Variants in TTC39C observed in about 807,000 individuals in gnomAD.
TTC39C encodes tetratricopeptide repeat protein 39C.
Under a neutral mutation model 76.3 loss-of-function variants are expected in TTC39C, and 33 were observed. That is an observed-to-expected ratio of 0.43 (90% CI 0.33 to 0.58). The LOEUF (loss-of-function observed/expected upper bound fraction) is 0.58, where lower values mean the gene tolerates loss of function less well. Among genes scored for constraint, TTC39C ranks in the 20% least tolerant of loss-of-function variants. The pLI, the probability that TTC39C is intolerant of heterozygous loss-of-function variation, is 0.04. For missense variants in TTC39C, 595 were observed against 701.4 expected, an observed-to-expected ratio of 0.85 and a Z score of 1.71; for synonymous variants, 254 against 260.6, an observed-to-expected ratio of 0.97 and a Z score of 0.24.
At chr18:24,096,339 T>C (rs533107336) in intron 6 of TTC39C, among the ~76,000 whole-genome samples, 1 of 152,360 alleles carries the variant, frequency 6.6e-6, no homozygotes, top group Non-Finnish European at 1.5e-5. Flanking sequence ...ATATAAATAT[T>C]AGTGAAGTTA....
intron 1 of TTC39C, among the ~76,000 whole-genome samples, chr18:24,060,269 C>G (rs1177559750): frequency 6.7e-6 from 1 of 149,334 alleles, no homozygotes; most frequent in Non-Finnish European, 1.5e-5. Flanking sequence ...ACCATTCTGA[C>G]TGGTGTGAGA....
intron 6 of TTC39C, among the ~76,000 whole-genome samples, chr18:24,108,485 T>C (rs1388129595): frequency 6.6e-6 from 1 of 152,224 alleles, no homozygotes; most frequent in African/African-American, 2.4e-5. Context: ...CAGCAAGTCC[T>C]CTCAGTTAGG....
chr18:24,101,698 A>G (rs1185253895), intron 6 of TTC39C, among the ~76,000 whole-genome samples: 4 of 152,184 alleles, frequency 2.6e-5, no homozygotes, highest in Non-Finnish European at 5.9e-5. Flanking sequence ...CTTGACACAT[A>G]TTAGGTCTTC....
At chr18:24,114,346 G>A (rs1041619317) in intron 6 of TTC39C, 11 of 469,168 alleles carry the variant, frequency 2.3e-5, no homozygotes, top group Non-Finnish European at 3.9e-5. Context: ...TACCACCTGA[G>A]CAAGGAGAGG....
At chr18:24,044,152 TACACA>T (rs2083833924) in intron 1 of TTC39C, among the ~76,000 whole-genome samples, 1 of 152,042 alleles carries the variant, frequency 6.6e-6, no homozygotes, top group Non-Finnish European at 1.5e-5. Context: ...TCTTTCTCTG[TACACA>T]GCACGGGGGC....
chr18:24,098,714 C>G (rs926903415), intron 6 of TTC39C, among the ~76,000 whole-genome samples: 4 of 151,458 alleles, frequency 2.6e-5, no homozygotes, highest in Non-Finnish European at 5.9e-5. Flanking sequence ...TTCATTGCAA[C>G]CTCTGCCTCC....
intron 1 of TTC39C, among the ~76,000 whole-genome samples, chr18:24,046,124 G>C (rs980838674): frequency 1.3e-5 from 2 of 151,168 alleles, no homozygotes; most frequent in African/African-American, 4.9e-5. Context: ...ATTTTTAGTA[G>C]AGATGGGGTT....
chr18:24,048,739 C>T (rs1599272981), intron 1 of TTC39C, among the ~76,000 whole-genome samples: 3 of 152,164 alleles, frequency 2.0e-5, no homozygotes, highest in East Asian at 3.9e-4. Flanking sequence ...TTTAAGGTAA[C>T]GTTTTCATAG....
chr18:24,112,800 A>G (rs1211509556), intron 6 of TTC39C, among the ~76,000 whole-genome samples: 12 of 152,194 alleles, frequency 7.9e-5, no homozygotes, highest in Admixed American at 7.9e-4. Flanking sequence ...TGAACCCCTA[A>G]TGCTGTGATT....
chr18:24,076,094 A>C (rs2084304199), intron 4 of TTC39C, among the ~76,000 whole-genome samples: 1 of 152,172 alleles, frequency 6.6e-6, no homozygotes, highest in South Asian at 2.1e-4. Context: ...CTCCTGCCTC[A>C]GCCTCCTGAG....
chr18:24,130,176 A>G, intron 11 of TTC39C, 137 bp from the exon 12 acceptor site: 1 of 439,398 alleles, frequency 2.3e-6, no homozygotes, highest in South Asian at 2.8e-5. Context: ...GGAAAGAATG[A>G]AGATGAGGAA....
At chr18:24,024,209 C>T (rs1396206945) in intron 1 of TTC39C, among the ~76,000 whole-genome samples, 2 of 148,920 alleles carry the variant, frequency 1.3e-5, no homozygotes, top group Admixed American at 6.8e-5. Flanking sequence ...GACCGGGTTT[C>T]GCTATATTGG....
At chr18:24,104,139 C>T (rs2084715136) in intron 6 of TTC39C, among the ~76,000 whole-genome samples, 1 of 152,214 alleles carries the variant, frequency 6.6e-6, no homozygotes, top group Non-Finnish European at 1.5e-5. Context: ...ACCATGTTGG[C>T]TGGGCTGGTC....
At chr18:24,087,859 GA>G (rs1392017172) in intron 6 of TTC39C, among the ~76,000 whole-genome samples, 2 of 152,066 alleles carry the variant, frequency 1.3e-5, no homozygotes, top group Non-Finnish European at 2.9e-5. Context: ...CATACGTTGT[GA>G]ATATCCTGCA....
chr18:24,039,284 A>T lies in TTC39C; in HGVS notation c.167+24246A>T, dbSNP rs2083765242. Among the ~76,000 whole-genome samples, 3 of 152,194 alleles carry T rather than the reference A, an allele frequency of 2.0e-5. No individual in the cohort carries two copies. In the South Asian group the frequency reaches 6.2e-4, roughly 32 times the overall value. ...GGAGGTGCCTTGAGAATGAGCAGGG[A>T]AGTCTCCCAGGGTACTGGGGCAGAG... is the stretch of plus-strand genomic sequence containing the variant. On this transcript the variant is annotated intron_variant, in intron 1 of 13. Coordinates refer to ENST00000317571, the MANE Select transcript of TTC39C (RefSeq NM_001135993.2).
At chr18:24,031,531 T>C (rs2083670836) in intron 1 of TTC39C, among the ~76,000 whole-genome samples, 1 of 152,176 alleles carries the variant, frequency 6.6e-6, no homozygotes, top group African/African-American at 2.4e-5. Context: ...TCTTGGCACC[T>C]CTCTCACCTT....
intron 10 of TTC39C, 161 bp downstream of exon 10, chr18:24,125,711 C>A: frequency 1.1e-6 from 1 of 906,060 alleles, no homozygotes. Context: ...GAAGAAAATC[C>A]TGTCACTTAG....
At chr18:24,081,905 A>G (rs1364118963) in intron 5 of TTC39C, among the ~76,000 whole-genome samples, 2 of 152,292 alleles carry the variant, frequency 1.3e-5, no homozygotes, top group South Asian at 2.1e-4. Context: ...TAGAATTAAT[A>G]GTGTCATTAG....
chr18:24,029,460 T>C (rs2083641766), intron 1 of TTC39C, among the ~76,000 whole-genome samples: 1 of 152,232 alleles, frequency 6.6e-6, no homozygotes, highest in African/African-American at 2.4e-5. Context: ...CCACATATAA[T>C]AGAGGAATCA....
Sources: gnomAD v4.1 joint callset for allele counts (sites outside exome capture counted in the v4.1 genomes callset) on GRCh38, gnomAD v4.1.1 for gene constraint, MANE v1.5 for transcripts, NCBI Gene and HGNC (gene_info 2026-07-23, HGNC 2026-07-21) for gene names.